The following JPH4 variants were observed in gnomAD, a reference collection of about 807,000 sequenced individuals.
The protein encoded by JPH4 is junctophilin-4.
JPH4 carries 18 observed loss-of-function variants against 57.6 expected under a neutral mutation model. That is an observed-to-expected ratio of 0.31 (90% CI 0.22 to 0.46). The LOEUF is 0.46. Ranked by LOEUF, JPH4 falls within the 20% of genes least tolerant of loss-of-function variation. JPH4 has a pLI of 1.00. For missense variants in JPH4, 727 were observed against 911.1 expected, an observed-to-expected ratio of 0.80 and a Z score of 2.60; for synonymous variants, 425 against 406.6, an observed-to-expected ratio of 1.05 and a Z score of -0.54.
chr14:23,571,736 C>T lies in JPH4; in HGVS notation c.1270+66G>A, dbSNP rs185640777. On this transcript the variant is annotated intron_variant, in intron 4 of 5. Coordinates refer to ENST00000356300, the MANE Select transcript of JPH4 (RefSeq NM_001146028.2). The surrounding 1 kb of genome is among the most constrained non-coding windows in gnomAD (Gnocchi z 4.6). ...CTTGCAGGGCTTCTCATCTGTTTCC[C>T]CACACCTGAGCCTCTCTAGCTCCCT... The T allele has an allele frequency of 2.8e-3, 4,078 of 1,435,756 alleles. 14 individuals are homozygous for T. The highest frequency in any genetic ancestry group is 4.8e-3 in the Admixed American group (279 of 57,758). The allele number at this position is 1,435,756 out of a possible 1,614,324, so 88.9% of individuals were successfully genotyped here. A position where few individuals can be genotyped will look rare whatever the true frequency, so the allele number is the denominator to read the frequency against.
rs1008894546 is a variant in JPH4, at chr14:23,576,196, C to T, written c.640G>A (p.Ala214Thr). The T allele has an allele frequency of 6.2e-6, 8 of 1,288,768 alleles. No homozygotes were observed. Among genetic ancestry groups the T allele is most frequent in the African/African-American group, 1.5e-5 (1 of 64,596 alleles). The allele number at this position is 1,288,768 out of a possible 1,614,324, so 79.8% of individuals were successfully genotyped here. Residue 214 changes from alanine (A) to threonine (T), a missense_variant, in exon 3 of 6, where the codon GCG (alanine) becomes ACG (threonine). Physicochemically the swap from Ala to Thr is moderately conservative, Grantham distance 58. Coordinates refer to ENST00000356300, the MANE Select transcript of JPH4 (RefSeq NM_001146028.2). The surrounding 1 kb of genome is among the most constrained non-coding windows in gnomAD (Gnocchi z 8.0). ...GAACGGCGAAAGAATCCGCCGGCCGCCGGAGTGCGCTTTCGGGACGACGCG... is the reference window on the plus strand; with the variant it reads ...GAACGGCGAAAGAATCCGCCGGCCGTCGGAGTGCGCTTTCGGGACGACGCG... ...DGASSRKRTPAAGGFFRRSLL... is the reference protein window; with the variant it reads ...DGASSRKRTPTAGGFFRRSLL...
chr14:23,571,477 G>A lies in JPH4; in HGVS notation c.1271-17C>T. 6.3e-7 allele frequency: 1 copy of A among 1,594,456 alleles called. No individual in the cohort carries two copies. The highest frequency in any genetic ancestry group is 1.1e-5 in the South Asian group (1 of 90,410). On this transcript the variant is annotated splice_polypyrimidine_tract_variant and intron_variant, in intron 4 of 5. Transcript: ENST00000356300. This position sits in a 1 kb window ranked among gnomAD's most constrained non-coding sequence, Gnocchi z 4.6. ...GTCTGCGGCCTGGGTAGGGATAGCT[G>A]AGAATCAGAGGGGCCTAACTGGCCT...
Position 23,571,353 on chromosome 14 carries a change from G to A in JPH4, c.1378C>T (p.Leu460=). The A allele has an allele frequency of 6.2e-7, 1 of 1,600,750 alleles. No homozygotes were observed. Among genetic ancestry groups the A allele is most frequent in the Non-Finnish European group, 8.5e-7 (1 of 1,177,838 alleles). The change falls in exon 5 of 6, where the codon CTG becomes TTG. Residue 460 remains leucine (L), a synonymous_variant. Transcript: ENST00000356300. This position sits in a 1 kb window ranked among gnomAD's most constrained non-coding sequence, Gnocchi z 4.6. ...CGGGAGGAGGCAGGACTGCTGGGCA[G>A]TTCAGGGGATCCCTCTGAGGGGGTC... ...GLTPSEGSPE[L]PSSPASSRQP... is the part of the protein sequence containing the mutation.
chr14:23,571,221 C>G lies in JPH4; in HGVS notation c.1510G>C (p.Ala504Pro). Residue 504 changes from alanine to proline, a missense_variant, in exon 5 of 6, where the codon GCA becomes CCA. Around this residue, in one of 7 missense-constraint regions of JPH4, gnomAD observed 293 missense variants for 279.8 expected, o/e 1.05. Coordinates refer to ENST00000356300, the MANE Select transcript of JPH4 (RefSeq NM_001146028.2). The surrounding 1 kb of genome is among the most constrained non-coding windows in gnomAD (Gnocchi z 4.6). ...AWPEEWGGAG[A>P]QAEELAGYEA... ...TAGCCAGCTAGTTCCTCTGCCTGTG[C>G]GCCTGCCCCCCCCCACTCCTCAGGC... 6.2e-7 allele frequency: 1 copy of G among 1,612,682 alleles called. No homozygotes were observed. The highest frequency in any genetic ancestry group is 8.5e-7 in the Non-Finnish European group (1 of 1,179,302).
intron 3 of JPH4, among the ~76,000 whole-genome samples, chr14:23,574,321 C>T (rs776850076): frequency 6.6e-6 from 1 of 151,918 alleles, no homozygotes; most frequent in East Asian, 1.9e-4. Flanking sequence ...ATTACAGGAA[C>T]CTGCCACCAC....
rs551053550 is a variant in JPH4 at position 23,568,907 on chromosome 14, A to T, written c.*727T>A. 2 of 650,798 alleles carry T rather than the reference A, an allele frequency of 3.1e-6. No individual in the cohort carries two copies. Among genetic ancestry groups the T allele is most frequent in the Non-Finnish European group, 3.8e-6 (2 of 524,366 alleles). The allele number at this position is 650,798 out of a possible 1,614,324, so 40.3% of individuals were successfully genotyped here. Reference sequence around the variant, plus strand: ...TGTTCCTTTACACGTTGCTCTTGGCATGGCATGCCACCAGAGGGGGCTGGA... The same window carrying T: ...TGTTCCTTTACACGTTGCTCTTGGCTTGGCATGCCACCAGAGGGGGCTGGA... On this transcript the variant is annotated 3_prime_UTR_variant, in exon 6 of 6. Coordinates refer to ENST00000356300, the MANE Select transcript of JPH4 (RefSeq NM_001146028.2).
At chr14:23,572,802 C>T (rs1368086460) in intron 3 of JPH4, 1 of 695,004 alleles carries the variant, frequency 1.4e-6, no homozygotes, top group Non-Finnish European at 2.6e-6. Flanking sequence ...CTGGCTAAAC[C>T]CTTAGTCTCC....
Position 23,577,540 on chromosome 14 carries a change from G to T in JPH4, c.-87C>A. 1 of 1,202,816 alleles carries T rather than the reference G, an allele frequency of 8.3e-7. No homozygotes were observed. Among genetic ancestry groups the T allele is most frequent in the Non-Finnish European group, 1.1e-6 (1 of 925,812 alleles). 74.5% of individuals were successfully genotyped at this position (1,202,816 alleles called of 1,614,324 possible). On this transcript the variant is annotated 5_prime_UTR_variant, in exon 2 of 6. Coordinates refer to ENST00000356300, the MANE Select transcript of JPH4 (RefSeq NM_001146028.2). This position sits in a 1 kb window ranked among gnomAD's most constrained non-coding sequence, Gnocchi z 8.4. ...TGCTGGGGGCCTTGGAGCCGGGCGA[G>T]GCCTCGGGGCGGGGGCAGTTAGACC...
rs1294285817 is a variant in JPH4, at chr14:23,576,995, G to T, written c.379+80C>A. On this transcript the variant is annotated intron_variant, in intron 2 of 5. Transcript: ENST00000356300. This position sits in a 1 kb window ranked among gnomAD's most constrained non-coding sequence, Gnocchi z 8.0. ...GGGAAAGAAGGATGGGCGCAAGGGC[G>T]CAAATGGCGGGCGAAGGCCCAAGGC... The T allele has an allele frequency of 3.3e-5, 46 of 1,410,134 alleles. 1 individual carries two copies. Among genetic ancestry groups the T allele is most frequent in the Non-Finnish European group, 4.0e-5 (43 of 1,082,644 alleles). The allele number at this position is 1,410,134 out of a possible 1,614,324, so 87.4% of individuals were successfully genotyped here.
chr14:23,572,169 C>T (rs28496651), intron 3 of JPH4, among the ~76,000 whole-genome samples: 8,661 of 152,152 alleles, frequency 0.057, 791 homozygotes, highest in African/African-American at 0.2. Context: ...CTCTCACACC[C>T]TTCTACTGCT....
In JPH4 at chr14:23,568,666, C is replaced by T. The variant is rs1007309970; in HGVS notation, c.*968G>A. On this transcript the variant is annotated 3_prime_UTR_variant, in exon 6 of 6. Transcript: ENST00000356300. ...GTCCTATCCCCCAGAAGTGCCTCCTCCCACCACAACTCCCAGAGTTGGGAT... is the reference window on the plus strand; with the variant it reads ...GTCCTATCCCCCAGAAGTGCCTCCTTCCACCACAACTCCCAGAGTTGGGAT... 9 of 985,844 alleles carry T rather than the reference C, an allele frequency of 9.1e-6. No individual in the cohort carries two copies. Among genetic ancestry groups the T allele is most frequent in the Admixed American group, 1.2e-4 (2 of 16,276 alleles). The allele number at this position is 985,844 out of a possible 1,614,324, so 61.1% of individuals were successfully genotyped here. A position where few individuals can be genotyped will look rare whatever the true frequency, so the allele number is the denominator to read the frequency against.
rs1889269173 is a variant in JPH4 at position 23,576,202 on chromosome 14, T to C, written c.634A>G (p.Thr212Ala). ...CGAAAGAATCCGCCGGCCGCCGGAG[T>C]GCGCTTTCGGGACGACGCGCCGTCG... is the stretch of plus-strand genomic sequence containing the variant. ...DADGASSRKRTPAAGGFFRRS... is the reference protein window; with the variant it reads ...DADGASSRKRAPAAGGFFRRS... Residue 212 changes from threonine (T) to alanine (A), a missense_variant, in exon 3 of 6, where the codon ACT (threonine) becomes GCT (alanine). Coordinates refer to ENST00000356300, the MANE Select transcript of JPH4 (RefSeq NM_001146028.2). The surrounding 1 kb of genome is among the most constrained non-coding windows in gnomAD (Gnocchi z 8.0). 1 of 1,284,882 alleles carries C rather than the reference T, an allele frequency of 7.8e-7. No homozygotes were observed. The highest frequency in any genetic ancestry group is 9.8e-7 in the Non-Finnish European group (1 of 1,016,696). The allele number at this position is 1,284,882 out of a possible 1,614,324, so 79.6% of individuals were successfully genotyped here.
chr14:23,577,740 T>A lies in JPH4; in HGVS notation c.-171-116A>T. 1 of 319,382 alleles carries A rather than the reference T, an allele frequency of 3.1e-6. No individual in the cohort carries two copies. Among genetic ancestry groups the A allele is most frequent in the Non-Finnish European group, 5.7e-6 (1 of 174,886 alleles). 19.8% of individuals were successfully genotyped at this position (319,382 alleles called of 1,614,324 possible). ...GCCGCCCCCCAATCCACCCCCCTCCTTTGGCAGCATCTTCCAGCAGCCCCC... is the reference window on the plus strand; with the variant it reads ...GCCGCCCCCCAATCCACCCCCCTCCATTGGCAGCATCTTCCAGCAGCCCCC... On this transcript the variant is annotated intron_variant, in intron 1 of 5. Coordinates refer to ENST00000356300, the MANE Select transcript of JPH4 (RefSeq NM_001146028.2). This position sits in a 1 kb window ranked among gnomAD's most constrained non-coding sequence, Gnocchi z 8.4.
rs1889305880 is a variant in JPH4 at position 23,577,550 on chromosome 14, C to CG, written c.-98dup. ...CTTGGAGCCGGGCGAGGCCTCGGGG[C>CG]GGGGGCAGTTAGACCGGGGCCGGGC... On this transcript the variant is annotated 5_prime_UTR_variant, in exon 2 of 6. It introduces an in-frame stop codon into an upstream open reading frame of the 5' UTR. Coordinates refer to ENST00000356300, the MANE Select transcript of JPH4 (RefSeq NM_001146028.2). This position sits in a 1 kb window ranked among gnomAD's most constrained non-coding sequence, Gnocchi z 8.4. The CG allele has an allele frequency of 4.0e-6, 4 of 1,007,302 alleles. No individual in the cohort carries two copies. The highest frequency in any genetic ancestry group is 5.3e-6 in the Non-Finnish European group (4 of 750,888). 62.4% of individuals were successfully genotyped at this position (1,007,302 alleles called of 1,614,324 possible). A position where few individuals can be genotyped will look rare whatever the true frequency, so the allele number is the denominator to read the frequency against.
Position 23,570,963 on chromosome 14 carries a change from C to A in JPH4, c.1768G>T (p.Gly590Trp). ...GGCCTCTCGGTTGCAGCGGGCTCCC[C>A]GAGCTCTTCTGTCAGGCACCCAGCA... ...PDAGCLTEEL[G>W]EPAATERPAQ... The change falls in exon 5 of 6, where the codon GGG becomes TGG. Residue 590 changes from glycine to tryptophan, a missense_variant. Coordinates refer to ENST00000356300, the MANE Select transcript of JPH4 (RefSeq NM_001146028.2). 1 of 1,522,834 alleles carries A rather than the reference C, an allele frequency of 6.6e-7. No individual in the cohort carries two copies. The allele number at this position is 1,522,834 out of a possible 1,614,324, so 94.3% of individuals were successfully genotyped here.
chr14:23,574,779 C>T (rs1410776378), intron 3 of JPH4, among the ~76,000 whole-genome samples: 1 of 152,104 alleles, frequency 6.6e-6, no homozygotes, highest in Non-Finnish European at 1.5e-5. Context: ...TATTAAAATT[C>T]ATCACACCTG....
chr14:23,571,031 A>G lies in JPH4; in HGVS notation c.1700T>C (p.Ile567Thr), dbSNP rs747766768. 11 of 1,596,266 alleles carry G rather than the reference A, an allele frequency of 6.9e-6. No individual in the cohort carries two copies. Among genetic ancestry groups the G allele is most frequent in the Non-Finnish European group, 9.4e-6 (11 of 1,170,102 alleles). Reference sequence around the variant, plus strand: ...CGAGCCCCTCAGGACCAGCATGGCGATGGGCTCAGGCTCCGTGCCTGCTGG... The same window carrying G: ...CGAGCCCCTCAGGACCAGCATGGCGGTGGGCTCAGGCTCCGTGCCTGCTGG... Reference protein sequence around the residue: ...RAPAGTEPEPIAMLVLRGSSS... With the variant: ...RAPAGTEPEPTAMLVLRGSSS... The change falls in exon 5 of 6, where the codon ATC becomes ACC. Residue 567 changes from isoleucine to threonine, a missense_variant. Transcript: ENST00000356300. This position sits in a 1 kb window ranked among gnomAD's most constrained non-coding sequence, Gnocchi z 4.6.
At position 23,576,735 on chromosome 14, in the gene JPH4, G is replaced by A. The variant is rs548284626; in HGVS notation, c.380-279C>T. Among the ~76,000 whole-genome samples the A allele has an allele frequency of 6.6e-6, 1 of 152,306 alleles. No individual in the cohort carries two copies. The highest frequency in any genetic ancestry group is 2.4e-5 in the African/African-American group (1 of 41,574). ...GGGGAGGGCCCGGCAGGCATGCGAAGGACAGGCTGGTCAGGGCGTTTAGAT... is the reference window on the plus strand; with the variant it reads ...GGGGAGGGCCCGGCAGGCATGCGAAAGACAGGCTGGTCAGGGCGTTTAGAT... On this transcript the variant is annotated intron_variant, in intron 2 of 5. Coordinates refer to ENST00000356300, the MANE Select transcript of JPH4 (RefSeq NM_001146028.2). This position sits in a 1 kb window ranked among gnomAD's most constrained non-coding sequence, Gnocchi z 8.0.
In JPH4 at chr14:23,571,207, T is replaced by G. The variant is rs750531211; in HGVS notation, c.1524A>C (p.Glu508Asp). ...CATCCTCAGCCTCATAGCCAGCTAGTTCCTCTGCCTGTGCGCCTGCCCCCC... is the reference window on the plus strand; with the variant it reads ...CATCCTCAGCCTCATAGCCAGCTAGGTCCTCTGCCTGTGCGCCTGCCCCCC... ...EWGGAGAQAE[E>D]LAGYEAEDEA... The change falls in exon 5 of 6, where the codon GAA becomes GAC. Residue 508 changes from glutamate (E) to aspartate (D), a missense_variant. Transcript: ENST00000356300. This position sits in a 1 kb window ranked among gnomAD's most constrained non-coding sequence, Gnocchi z 4.6. 1.2e-6 allele frequency: 2 copies of G among 1,613,872 alleles called. No homozygotes were observed. Among genetic ancestry groups the G allele is most frequent in the South Asian group, 2.2e-5 (2 of 91,082 alleles).
Sources: allele counts gnomAD v4.1 joint callset (sites outside exome capture counted in the v4.1 genomes callset), GRCh38; gene constraint gnomAD v4.1.1; regional missense constraint gnomAD v4.1.1; non-coding constraint Gnocchi (gnomAD v3.1); transcripts MANE v1.5; gene names NCBI Gene and HGNC (gene_info 2026-07-23, HGNC 2026-07-21).